Variants in CFD observed in about 807,000 individuals in gnomAD.
CFD encodes C3 convertase activator.
A neutral mutation model predicts 21.1 loss-of-function variants in CFD; 24 were observed. That is an observed-to-expected ratio of 1.14 (90% confidence interval 0.82 to 1.60). CFD has a LOEUF of 1.60. Ranked by LOEUF, CFD falls within the 40% of genes most tolerant of loss-of-function variation. The probability of loss-of-function intolerance (pLI) is 0.00; values close to 1 mark genes in which losing one functional copy is unlikely to be tolerated. For missense variants in CFD, 535 were observed against 383.3 expected, an observed-to-expected ratio of 1.40 and a Z score of -3.31; for synonymous variants, 242 against 175.9, an observed-to-expected ratio of 1.38 and a Z score of -2.97.
In CFD at chr19:863,157, C is replaced by A. The variant is rs1232387325; in HGVS notation, c.681C>A (p.Arg227=). 5 of 1,535,600 alleles carry A rather than the reference C, an allele frequency of 3.3e-6. No individual in the cohort carries two copies. Among genetic ancestry groups the A allele is most frequent in the Non-Finnish European group, 4.4e-6 (5 of 1,146,240 alleles). The change falls in exon 5 of 5, where the codon CGC becomes CGA. Residue 227 remains arginine (R), a synonymous_variant. Transcript: ENST00000327726. ...VLEGVVTSGS[R]VCGNRKKPGI... Reference sequence around the variant, plus strand: ...AGGGCGTGGTCACCTCGGGCTCGCGCGTTTGCGGCAACCGCAAGAAGCCCG... The same window carrying A: ...AGGGCGTGGTCACCTCGGGCTCGCGAGTTTGCGGCAACCGCAAGAAGCCCG...
rs1475107102 is a variant in CFD at position 863,086 on chromosome 19, C to G, written c.616-6C>G. The G allele has an allele frequency of 2.6e-6, 4 of 1,520,248 alleles. No individual in the cohort carries two copies. The highest frequency in any genetic ancestry group is 1.4e-5 in the African/African-American group (1 of 72,656). The allele number at this position is 1,520,248 out of a possible 1,614,324, so 94.2% of individuals were successfully genotyped here. On this transcript the variant is annotated splice_region_variant and splice_polypyrimidine_tract_variant and intron_variant, in intron 4 of 4. Coordinates refer to ENST00000327726, the MANE Select transcript of CFD (RefSeq NM_001928.4). ...CGCCCCTCACGGCCCCGTCCTGTTC[C>G]GGCAGGGTGACTCCGGGGGCCCGCT...
At position 863,118 on chromosome 19, in the gene CFD, C is replaced by T. The variant is rs113257297; in HGVS notation, c.642C>T (p.Cys214=). 450 of 1,530,276 alleles carry T rather than the reference C, an allele frequency of 2.9e-4. 1 individual carries two copies. In the African/African-American group the frequency reaches 5.4e-3, roughly 18 times the overall value. The allele number at this position is 1,530,276 out of a possible 1,614,324, so 94.8% of individuals were successfully genotyped here. ...GTGACTCCGGGGGCCCGCTGGTGTG[C>T]GGGGGCGTGCTCGAGGGCGTGGTCA... ...CKGDSGGPLV[C]GGVLEGVVTS... The change falls in exon 5 of 5, where the codon TGC becomes TGT. Residue 214 remains cysteine, a synonymous_variant. Coordinates refer to ENST00000327726, the MANE Select transcript of CFD (RefSeq NM_001928.4).
Position 860,618 on chromosome 19 carries a change from G to T in CFD, c.57G>T (p.Ala19=). ...VLVLLGAAAC[A]APPRGRILGG... ...CCTCACGCGCCCGCCCACCCACAGC[G>T]GCGCCGCCCCGTGGTCGGATCCTGG... Residue 19 remains alanine (A), a splice_region_variant and synonymous_variant, in exon 2 of 5, where the codon GCG becomes GCT. Transcript: ENST00000327726. 6.9e-7 allele frequency: 1 copy of T among 1,442,678 alleles called. No homozygotes were observed. The highest frequency in any genetic ancestry group is 1.4e-5 in the South Asian group (1 of 71,940). The allele number at this position is 1,442,678 out of a possible 1,614,324, so 89.4% of individuals were successfully genotyped here.
At position 859,718 on chromosome 19, in the gene CFD, T is replaced by C. The variant is rs1265047005; in HGVS notation, c.29T>C (p.Leu10Pro). 6.3e-7 allele frequency: 1 copy of C among 1,575,286 alleles called. No individual in the cohort carries two copies. The highest frequency in any genetic ancestry group is 8.6e-7 in the Non-Finnish European group (1 of 1,160,868). ...CACAGCTGGGAGCGCCTGGCAGTTC[T>C]GGTCCTCCTAGGAGCGGCCGCCTGC... is the stretch of plus-strand genomic sequence containing the variant. Reference protein sequence around the residue: MHSWERLAVLVLLGAAACAA... With the variant: MHSWERLAVPVLLGAAACAA... Residue 10 changes from leucine to proline, a missense_variant, in exon 1 of 5, where the codon CTG becomes CCG. Transcript: ENST00000327726.
At position 860,936 on chromosome 19, in the gene CFD, C is replaced by A. The variant is rs1369975897; in HGVS notation, c.288C>A (p.Asp96Glu). The A allele has an allele frequency of 1.2e-6, 2 of 1,601,146 alleles. No individual in the cohort carries two copies. Among genetic ancestry groups the A allele is most frequent in the Admixed American group, 1.7e-5 (1 of 59,842 alleles). The change falls in exon 3 of 5, where the codon GAC becomes GAA. Residue 96 changes from aspartate (D) to glutamate (E), a missense_variant. By Grantham distance (45) the Asp-to-Glu change is conservative (BLOSUM62 2). Coordinates refer to ENST00000327726, the MANE Select transcript of CFD (RefSeq NM_001928.4). ...CGGAGCCCTCCAAGCGCCTGTACGACGTGCTCCGCGCAGTGCCCCACCCGG... is the reference window on the plus strand; with the variant it reads ...CGGAGCCCTCCAAGCGCCTGTACGAAGTGCTCCGCGCAGTGCCCCACCCGG... ...SQPEPSKRLYDVLRAVPHPDS... is the reference protein window; with the variant it reads ...SQPEPSKRLYEVLRAVPHPDS...
Position 860,784 on chromosome 19 carries a change from G to C in CFD, c.212+11G>C. On this transcript the variant is annotated intron_variant, in intron 2 of 4. Coordinates refer to ENST00000327726, the MANE Select transcript of CFD (RefSeq NM_001928.4). Reference sequence around the variant, plus strand: ...CTGCCTGGAGGACGCGTGAGTGCCCGCGCCGCGCGGGGGAAGAGCCCGGGT... The same window carrying C: ...CTGCCTGGAGGACGCGTGAGTGCCCCCGCCGCGCGGGGGAAGAGCCCGGGT... 6.4e-7 allele frequency: 1 copy of C among 1,561,726 alleles called. No individual in the cohort carries two copies. Among genetic ancestry groups the C allele is most frequent in the Non-Finnish European group, 8.6e-7 (1 of 1,162,340 alleles).
In CFD at chr19:863,451, C is replaced by T. The variant is rs1451046187; in HGVS notation, c.*213C>T. ...ACAAATAAATAAAAAATTAGCTGGG[C>T]AATTGGCGGGCATGGAGGTGGGTGC... On this transcript the variant is annotated 3_prime_UTR_variant, in exon 5 of 5. Coordinates refer to ENST00000327726, the MANE Select transcript of CFD (RefSeq NM_001928.4). 1.6e-6 allele frequency: 1 copy of T among 618,452 alleles called. No homozygotes were observed. Among genetic ancestry groups the T allele is most frequent in the Non-Finnish European group, 2.9e-6 (1 of 348,138 alleles). The allele number at this position is 618,452 out of a possible 1,614,324, so 38.3% of individuals were successfully genotyped here. A position where few individuals can be genotyped will look rare whatever the true frequency, so the allele number is the denominator to read the frequency against.
At chr19:861,984 C>T (rs1264546564) in intron 4 of CFD, 28 bp downstream of exon 4, 10 of 1,528,008 alleles carry the variant, frequency 6.5e-6, no homozygotes, top group African/African-American at 2.8e-5. Flanking sequence ...GGAGGAGACG[C>T]GGGGCCTGCA....
Position 861,857 on chromosome 19 carries a change from A to C in CFD, c.516A>C (p.Pro172=), listed in dbSNP as rs2035800404. The C allele has an allele frequency of 1.9e-6, 3 of 1,597,832 alleles. No homozygotes were observed. The highest frequency in any genetic ancestry group is 2.5e-6 in the Non-Finnish European group (3 of 1,177,692). ...ACAGCCTGCAGCACGTGCTCTTGCC[A>C]GTGCTGGACCGCGCCACCTGCAACC... The part of the protein sequence containing the change: ...RPDSLQHVLL[P]VLDRATCNRR... The change falls in exon 4 of 5, where the codon CCA becomes CCC. Residue 172 remains proline, a synonymous_variant. Transcript: ENST00000327726.
chr19:860,923 AGC>A lies in CFD; in HGVS notation c.278_279del (p.Arg93ProfsTer114). ...TCCCTGTCGCAGCCGGAGCCCTCCAAGCGCCTGTACGACGTGCTCCGCGCAGT... is the reference window on the plus strand; with the variant it reads ...TCCCTGTCGCAGCCGGAGCCCTCCAAGCCTGTACGACGTGCTCCGCGCAGT... On this transcript the variant is annotated frameshift_variant, in exon 3 of 5. Transcript: ENST00000327726. LOFTEE classifies it high-confidence loss of function. 6.2e-7 allele frequency: 1 copy of A among 1,600,112 alleles called. No homozygotes were observed. The highest frequency in any genetic ancestry group is 8.5e-7 in the Non-Finnish European group (1 of 1,178,528).
Position 863,234 on chromosome 19 carries a change from C to T in CFD, c.758C>T (p.Ala253Val). 1 of 1,546,800 alleles carries T rather than the reference C, an allele frequency of 6.5e-7. No individual in the cohort carries two copies. The highest frequency in any genetic ancestry group is 1.2e-5 in the South Asian group (1 of 84,660). The stretch of plus-strand genomic sequence containing the variant: ...GCGGCCTGGATCGACAGCGTCCTGG[C>T]CTAGGGTGCCGGGGCCTGAAGGTCA... ...SYAAWIDSVL[A>V] Residue 253 changes from alanine (A) to valine (V), a missense_variant, in exon 5 of 5, where the codon GCC (alanine) becomes GTC (valine). Coordinates refer to ENST00000327726, the MANE Select transcript of CFD (RefSeq NM_001928.4).
chr19:861,681 G>A lies in CFD; in HGVS notation c.358-18G>A, dbSNP rs2035795935. ...CGCACCCCCGCACCCCAACCCTGACGTCCGCCTCCACCCTCAGCTGTCGGA... is the reference window on the plus strand; with the variant it reads ...CGCACCCCCGCACCCCAACCCTGACATCCGCCTCCACCCTCAGCTGTCGGA... On this transcript the variant is annotated intron_variant, in intron 3 of 4. Transcript: ENST00000327726. The A allele has an allele frequency of 6.3e-7, 1 of 1,589,200 alleles. No homozygotes were observed. Among genetic ancestry groups the A allele is most frequent in the Non-Finnish European group, 8.5e-7 (1 of 1,171,678 alleles).
rs1290545249 is a variant in CFD at position 860,692 on chromosome 19, AG to A, written c.132del (p.Gln44HisfsTer2). On this transcript the variant is annotated frameshift_variant, in exon 2 of 5. Coordinates refer to ENST00000327726, the MANE Select transcript of CFD (RefSeq NM_001928.4). LOFTEE classifies it high-confidence loss of function. ...GCGCGGCCCTACATGGCGTCGGTGC[AG>A]CTGAACGGCGCGCACCTGTGCGGCG... ...AHARPYMASV[Q>X]LNGAHLCGGV... is the part of the protein sequence containing the mutation. The A allele has an allele frequency of 9.7e-6, 15 of 1,549,542 alleles. No individual in the cohort carries two copies. The highest frequency in any genetic ancestry group is 4.1e-5 in the African/African-American group (3 of 72,660).
intron 4 of CFD, among the ~76,000 whole-genome samples, chr19:862,396 G>T (rs62132301): frequency 0.2 from 26,533 of 129,952 alleles, 2,947 homozygotes; most frequent in Non-Finnish European, 0.24. Context: ...GGAGGAAGGG[G>T]CGGTACCTGT....
At chr19:862,542 G>T in intron 4 of CFD, among the ~76,000 whole-genome samples, 1 of 149,018 alleles carries the variant, frequency 6.7e-6, no homozygotes. Context: ...GAAGGGGCGG[G>T]AACCTCTGAA....
intron 2 of CFD, 32 bp downstream of exon 2, chr19:860,805 CG>C: frequency 1.3e-6 from 2 of 1,557,056 alleles, no homozygotes; most frequent in Non-Finnish European, 1.7e-6. Context: ...GGGAAGAGCC[CG>C]GGTGCGGTGG....
chr19:861,772 C>G lies in CFD; in HGVS notation c.431C>G (p.Pro144Arg). The G allele has an allele frequency of 6.2e-7, 1 of 1,605,992 alleles. No individual in the cohort carries two copies. The highest frequency in any genetic ancestry group is 1.1e-5 in the South Asian group (1 of 90,770). ...PWQRVDRDVA[P>R]GTLCDVAGWG... Reference sequence around the variant, plus strand: ...CAGCGCGTGGACCGCGACGTGGCACCGGGAACTCTCTGCGACGTGGCCGGC... The same window carrying G: ...CAGCGCGTGGACCGCGACGTGGCACGGGGAACTCTCTGCGACGTGGCCGGC... The change falls in exon 4 of 5, where the codon CCG becomes CGG. Residue 144 changes from proline (P) to arginine (R), a missense_variant. Coordinates refer to ENST00000327726, the MANE Select transcript of CFD (RefSeq NM_001928.4).
At position 861,740 on chromosome 19, in the gene CFD, G is replaced by A. The variant is rs2035797479; in HGVS notation, c.399G>A (p.Leu133=). The A allele has an allele frequency of 1.9e-6, 3 of 1,605,076 alleles. No homozygotes were observed. The highest frequency in any genetic ancestry group is 2.5e-6 in the Non-Finnish European group (3 of 1,177,820). Residue 133 remains leucine, a synonymous_variant, in exon 4 of 5, where the codon CTG becomes CTA. Transcript: ENST00000327726. ...CACTGGGCCCTGCTGTGCGCCCCCT[G>A]CCCTGGCAGCGCGTGGACCGCGACG... The part of the protein sequence containing the change: ...KATLGPAVRP[L]PWQRVDRDVA...
intron 1 of CFD, 104 bp from the exon 2 acceptor site, chr19:860,513 T>C: frequency 8.3e-7 from 1 of 1,205,980 alleles, no homozygotes; most frequent in Non-Finnish European, 1.1e-6. Context: ...GAGATGGGAT[T>C]CTTGCGGGGA....
Sources: gnomAD v4.1 joint callset for allele counts (sites outside exome capture counted in the v4.1 genomes callset) on GRCh38, gnomAD v4.1.1 for gene constraint, MANE v1.5 for transcripts, NCBI Gene and HGNC (gene_info 2026-07-23, HGNC 2026-07-21) for gene names.